TASP1: variants seen among roughly 807,000 people sequenced by gnomAD.
The protein encoded by TASP1 is taspase 1, also known as threonine aspartase 1.
Under a neutral mutation model 56.6 loss-of-function variants are expected in TASP1, and 16 were observed. That is an observed-to-expected ratio of 0.28 (90% CI 0.19 to 0.43). The LOEUF (loss-of-function observed/expected upper bound fraction) is 0.43, where lower values mean the gene tolerates loss of function less well. Ranked by LOEUF, TASP1 falls within the 20% of genes least tolerant of loss-of-function variation. The probability of loss-of-function intolerance (pLI) is 1.00; values close to 1 mark genes in which losing one functional copy is unlikely to be tolerated. For synonymous variants in TASP1, 179 were observed against 184.2 expected (o/e 0.97, Z 0.23); for missense variants, 393 against 511.6 (o/e 0.77, Z 2.24).
At chr20:13,365,601 A>G in the TASP1 span, among the ~76,000 whole-genome samples, 2 of 152,228 alleles carry the variant, frequency 1.3e-5, no homozygotes, top group African/African-American at 4.8e-5. Context: ...ACTCCAATGC[A>G]GGAACAAACT....
the TASP1 span, among the ~76,000 whole-genome samples, chr20:13,258,535 T>C: frequency 6.6e-6 from 1 of 152,140 alleles, no homozygotes; most frequent in Non-Finnish European, 1.5e-5. Flanking sequence ...ATCCTAATAT[T>C]ATGAGGTTTA....
At chr20:13,401,235 A>T (rs959511328) in intron 13 of TASP1, among the ~76,000 whole-genome samples, 4 of 152,172 alleles carry the variant, frequency 2.6e-5, no homozygotes, top group African/African-American at 9.7e-5. Flanking sequence ...ATTTTTCCAT[A>T]TAATTTGTAT....
At chr20:13,319,049 A>T in the TASP1 span, among the ~76,000 whole-genome samples, 2 of 152,228 alleles carry the variant, frequency 1.3e-5, no homozygotes, top group Non-Finnish European at 2.9e-5. Context: ...ATGTAGGTTC[A>T]TCAGTTGTAA....
chr20:13,448,850 A>G (rs2043511237), intron 11 of TASP1, among the ~76,000 whole-genome samples: 1 of 151,980 alleles, frequency 6.6e-6, no homozygotes, highest in African/African-American at 2.4e-5. Flanking sequence ...CTACTCCCAA[A>G]AAACAGGACG....
chr20:13,609,839 AG>A (rs1337286164), intron 4 of TASP1, among the ~76,000 whole-genome samples: 1 of 152,238 alleles, frequency 6.6e-6, no homozygotes, highest in Non-Finnish European at 1.5e-5. Context: ...AATAGCCAAA[AG>A]GTAGAAACAA....
rs1848560650 is a variant in TASP1 at position 13,614,989 on chromosome 20, T to C, written c.282+8457A>G. On this transcript the variant is annotated intron_variant, in intron 4 of 13. Coordinates refer to ENST00000337743, the MANE Select transcript of TASP1 (RefSeq NM_017714.3). The stretch of plus-strand genomic sequence containing the variant: ...TACCTTTTAACCATATTGACAATAA[T>C]ATGGAAACATCACTCAAGAAGAACC... 1.0e-5 allele frequency: 3 copies of C among 287,526 alleles called. 1 individual carries two copies. Among genetic ancestry groups the C allele is most frequent in the South Asian group, 7.4e-5 (2 of 27,100 alleles). The allele number at this position is 287,526 out of a possible 1,614,324, so 17.8% of individuals were successfully genotyped here.
At chr20:13,332,238 T>C in the TASP1 span, among the ~76,000 whole-genome samples, 1 of 152,160 alleles carries the variant, frequency 6.6e-6, no homozygotes, top group Non-Finnish European at 1.5e-5. Flanking sequence ...ACTATGTATG[T>C]TGTGGGGCCC....
chr20:13,164,952 C>A, the TASP1 span: 3 of 1,191,470 alleles, frequency 2.5e-6, no homozygotes, highest in Non-Finnish European at 3.5e-6. Flanking sequence ...GGATTTCTCC[C>A]CCTTCCTCAG....
chr20:13,363,852 A>T, the TASP1 span, among the ~76,000 whole-genome samples: 1 of 150,830 alleles, frequency 6.6e-6, no homozygotes, highest in Non-Finnish European at 1.5e-5. Flanking sequence ...GTGTGAGTGG[A>T]AAGAAACAGT....
chr20:13,503,146 C>T (rs2036596643), intron 10 of TASP1, among the ~76,000 whole-genome samples: 1 of 152,066 alleles, frequency 6.6e-6, no homozygotes. Context: ...GGCCCTGATG[C>T]TACTAACCAC....
chr20:13,452,763 G>A (rs547581627), intron 11 of TASP1, among the ~76,000 whole-genome samples: 36 of 152,122 alleles, frequency 2.4e-4, no homozygotes, highest in African/African-American at 7.9e-4. Context: ...AGGAAAATCC[G>A]CCCTTGGATA....
chr20:13,500,695 T>G (rs1478875100), intron 10 of TASP1, among the ~76,000 whole-genome samples: 1 of 151,978 alleles, frequency 6.6e-6, no homozygotes, highest in African/African-American at 2.4e-5. Flanking sequence ...GAACTTGATA[T>G]AGTCATGAGA....
chr20:13,275,914 T>G, the TASP1 span, among the ~76,000 whole-genome samples: 3 of 152,136 alleles, frequency 2.0e-5, no homozygotes, highest in African/African-American at 7.2e-5. Context: ...CCCTGAAAAT[T>G]GAGTCTAAGT....
At chr20:13,604,166 C>T (rs529818703) in intron 4 of TASP1, among the ~76,000 whole-genome samples, 3 of 152,288 alleles carry the variant, frequency 2.0e-5, no homozygotes, top group African/African-American at 7.2e-5. Context: ...AATCCCATAG[C>T]AGTTGACATG....
chr20:13,112,864 G>A, the TASP1 span, among the ~76,000 whole-genome samples: 1 of 152,144 alleles, frequency 6.6e-6, no homozygotes, highest in Admixed American at 6.6e-5. Flanking sequence ...TTATACAGGT[G>A]TTCTAATTTG....
At chr20:13,164,919 C>A in the TASP1 span, 1 of 1,451,434 alleles carries the variant, frequency 6.9e-7, no homozygotes, top group Non-Finnish European at 9.5e-7. Flanking sequence ...GACCTCCCTC[C>A]TTGCCTCACA....
At chr20:13,120,800 C>G in the TASP1 span, among the ~76,000 whole-genome samples, 1 of 152,180 alleles carries the variant, frequency 6.6e-6, no homozygotes, top group Non-Finnish European at 1.5e-5. Flanking sequence ...GAAGTTGCTG[C>G]CAGGCTGTGA....
chr20:13,438,747 A>T (rs1208023034), intron 11 of TASP1, among the ~76,000 whole-genome samples: 1 of 152,220 alleles, frequency 6.6e-6, no homozygotes, highest in Non-Finnish European at 1.5e-5. Context: ...AATTTTTGCA[A>T]TCTACTCATC....
the TASP1 span, among the ~76,000 whole-genome samples, chr20:13,231,572 G>C: frequency 1.3e-5 from 2 of 152,204 alleles, no homozygotes; most frequent in African/African-American, 4.8e-5. Flanking sequence ...ACCAGCACGT[G>C]TCCCTGGAAA....
Sources: gnomAD v4.1 joint callset for allele counts (sites outside exome capture counted in the v4.1 genomes callset) on GRCh38, gnomAD v4.1.1 for gene constraint, MANE v1.5 for transcripts, NCBI Gene and HGNC (gene_info 2026-07-23, HGNC 2026-07-21) for gene names.